Variants in CIP2A observed in about 807,000 individuals in gnomAD.
CIP2A encodes the protein cellular inhibitor of PP2A, also known as protein CIP2A.
CIP2A carries 103 observed loss-of-function variants against 110.9 expected under a neutral mutation model. The ratio of observed to expected loss-of-function variants is 0.93; its 90% confidence interval spans 0.79 to 1.09. The LOEUF (loss-of-function observed/expected upper bound fraction) is 1.09, where lower values mean the gene tolerates loss of function less well. Ranked by LOEUF, CIP2A falls within the 50% of genes least tolerant of loss-of-function variation. The pLI, the probability that CIP2A is intolerant of heterozygous loss-of-function variation, is 0.00. For missense variants in CIP2A, 1,088 were observed against 1,038.4 expected, an observed-to-expected ratio of 1.05 and a Z score of -0.66; for synonymous variants, 381 against 361.6, an observed-to-expected ratio of 1.05 and a Z score of -0.61.
chr3:108,568,191 A>T lies in CIP2A; in HGVS notation c.1237T>A (p.Cys413Ser). ...NLDEALTRKKCERIAKAIEVL... is the reference protein window; with the variant it reads ...NLDEALTRKKSERIAKAIEVL... ...TCAATGGCCTTGGCAATCCTTTCAC[A>T]TTTTTTTCTTGTTAAAGCCTCATCT... The change falls in exon 10 of 21, where the codon TGT (cysteine) becomes AGT (serine). Residue 413 changes from cysteine to serine, a missense_variant. Transcript: ENST00000295746. The T allele has an allele frequency of 6.2e-7, 1 of 1,612,106 alleles. No homozygotes were observed. Among genetic ancestry groups the T allele is most frequent in the Non-Finnish European group, 8.5e-7 (1 of 1,178,704 alleles).
Position 108,569,537 on chromosome 3 carries a change from T to A in CIP2A, c.965A>T (p.Glu322Val). 1.2e-6 allele frequency: 2 copies of A among 1,612,740 alleles called. No homozygotes were observed. Among genetic ancestry groups the A allele is most frequent in the Non-Finnish European group, 1.7e-6 (2 of 1,179,292 alleles). Residue 322 changes from glutamate (E) to valine (V), a missense_variant, in exon 9 of 21, where the codon GAA becomes GTA. Coordinates refer to ENST00000295746, the MANE Select transcript of CIP2A (RefSeq NM_020890.3). ...LRHMLTQMMF[E>V]QSPPGSATLG... ...AGTGGCGCTGCCAGGTGGAGACTGTTCAAACATCATCTGAGTGAGCATATG... is the reference window on the plus strand; with the variant it reads ...AGTGGCGCTGCCAGGTGGAGACTGTACAAACATCATCTGAGTGAGCATATG...
intron 16 of CIP2A, 40 bp from the exon 17 acceptor site, chr3:108,557,454 T>C: frequency 6.9e-6 from 10 of 1,450,734 alleles, no homozygotes; most frequent in Non-Finnish European, 9.4e-6. Context: ...CACTATCATC[T>C]ATATCATATG....
chr3:108,557,207 A>G lies in CIP2A; in HGVS notation c.2210+11T>C. On this transcript the variant is annotated intron_variant, in intron 17 of 20. Transcript: ENST00000295746. ...GTTCTAACCTTACACAGAAGATTTTACTTTATTTACCTCTGAAGAAGTTCC... is the reference window on the plus strand; with the variant it reads ...GTTCTAACCTTACACAGAAGATTTTGCTTTATTTACCTCTGAAGAAGTTCC... 2 of 1,528,074 alleles carry G rather than the reference A, an allele frequency of 1.3e-6. No homozygotes were observed. The highest frequency in any genetic ancestry group is 1.8e-6 in the Non-Finnish European group (2 of 1,121,246). 94.7% of individuals were successfully genotyped at this position (1,528,074 alleles called of 1,614,324 possible).
At chr3:108,585,248 A>C (rs200677436) in intron 1 of CIP2A, 36 bp from the exon 2 acceptor site, 35 of 1,545,084 alleles carry the variant, frequency 2.3e-5, no homozygotes, top group Non-Finnish European at 2.9e-5. Context: ...TGGTTAAGCG[A>C]TGGCAATTTT....
At chr3:108,552,850 C>A (rs1937626892) in intron 19 of CIP2A, among the ~76,000 whole-genome samples, 1 of 152,102 alleles carries the variant, frequency 6.6e-6, no homozygotes, top group Non-Finnish European at 1.5e-5. Flanking sequence ...CAAGTTTTCA[C>A]TTCTAAGTGG....
At chr3:108,576,521 A>T (rs891361076) in intron 7 of CIP2A, among the ~76,000 whole-genome samples, 175 bp from the exon 8 acceptor site, 1 of 152,226 alleles carries the variant, frequency 6.6e-6, no homozygotes, top group African/African-American at 2.4e-5. Flanking sequence ...ATGTCTTACA[A>T]TTATGATATA....
intron 13 of CIP2A, 66 bp from the exon 14 acceptor site, chr3:108,560,907 C>T (rs1937986874): frequency 8.9e-7 from 1 of 1,119,666 alleles, no homozygotes; most frequent in Non-Finnish European, 1.2e-6. Context: ...AGACTTAGTG[C>T]AGAATTAGGG....
intron 2 of CIP2A, among the ~76,000 whole-genome samples, chr3:108,584,334 A>T (rs1387642896): frequency 7.2e-5 from 11 of 152,192 alleles, no homozygotes; most frequent in Non-Finnish European, 2.9e-5. Context: ...TAAAGATCCA[A>T]AAGTATTGTT....
intron 15 of CIP2A, 41 bp downstream of exon 15, chr3:108,559,913 T>C (rs773857938): frequency 6.3e-7 from 1 of 1,576,118 alleles, no homozygotes; most frequent in Non-Finnish European, 8.7e-7. Flanking sequence ...AATACATCTA[T>C]TAAAGCTTAT....
At chr3:108,553,581 A>C in intron 19 of CIP2A, 67 bp downstream of exon 19, 1 of 1,377,912 alleles carries the variant, frequency 7.3e-7, no homozygotes. Context: ...AAAGCAAACA[A>C]AACCACTCAT....
chr3:108,553,896 T>TAAAAAAAAAA (rs71103478), intron 18 of CIP2A, among the ~76,000 whole-genome samples, 166 bp from the exon 19 acceptor site: 11 of 84,152 alleles, frequency 1.3e-4, no homozygotes, highest in Non-Finnish European at 2.1e-4. Flanking sequence ...ACTAAAAATA[T>TAAAAAAAAAA]AAAAAAAAAA....
intron 5 of CIP2A, among the ~76,000 whole-genome samples, 182 bp downstream of exon 5, chr3:108,581,233 C>T (rs1188102156): frequency 1.5e-4 from 23 of 152,230 alleles, no homozygotes; most frequent in African/African-American, 5.5e-4. Flanking sequence ...ATACAACATA[C>T]ACGAAGGCTG....
rs1553694636 is a variant in CIP2A at position 108,569,181 on chromosome 3, T to TACACACACACAC, written c.1113+207_1113+208insGTGTGTGTGTGT. Reference sequence around the variant, plus strand: ...CTGAAATGAGCACTATATATATATATACATACACACTACTCAGTGAAAAAA... The same window carrying TACACACACACAC: ...CTGAAATGAGCACTATATATATATATACACACACACACACATACACACTACTCAGTGAAAAAA... On this transcript the variant is annotated intron_variant, in intron 9 of 20. Coordinates refer to ENST00000295746, the MANE Select transcript of CIP2A (RefSeq NM_020890.3). Among the ~76,000 whole-genome samples the TACACACACACAC allele has an allele frequency of 1.0e-4, 6 of 58,274 alleles. 1 individual carries two copies. The highest frequency in any genetic ancestry group is 2.3e-4 in the Non-Finnish European group (6 of 25,564). The allele number at this position is 58,274 out of a possible 152,430, so 38.2% of individuals were successfully genotyped here. A position where few individuals can be genotyped will look rare whatever the true frequency, so the allele number is the denominator to read the frequency against.
In CIP2A at chr3:108,554,365, A is replaced by C; in HGVS notation, c.2324+11T>G. 3.0e-5 allele frequency: 34 copies of C among 1,146,122 alleles called. No homozygotes were observed. Among genetic ancestry groups the C allele is most frequent in the Middle Eastern group, 2.6e-4 (1 of 3,794 alleles). The allele number at this position is 1,146,122 out of a possible 1,614,324, so 71.0% of individuals were successfully genotyped here. On this transcript the variant is annotated intron_variant, in intron 18 of 20. Transcript: ENST00000295746. ...TCCCACATATTCAGAATATAGAACT[A>C]GAGATTTTACTTTTCATTTTGTTCC...
At position 108,565,245 on chromosome 3, in the gene CIP2A, G is replaced by A. The variant is rs572558760; in HGVS notation, c.1515+110C>T. ...AACAACTTTAAACTTTCTTCTCATT[G>A]CCAATTCTAAGAGAATTATCTTCTA... is the stretch of plus-strand genomic sequence containing the variant. On this transcript the variant is annotated intron_variant, in intron 12 of 20. Transcript: ENST00000295746. The A allele has an allele frequency of 7.1e-4, 421 of 593,114 alleles. 1 individual carries two copies. Among genetic ancestry groups the A allele is most frequent in the African/African-American group, 2.4e-3 (120 of 50,954 alleles). The allele number at this position is 593,114 out of a possible 1,614,324, so 36.7% of individuals were successfully genotyped here. A position where few individuals can be genotyped will look rare whatever the true frequency, so the allele number is the denominator to read the frequency against.
At chr3:108,585,649 T>A in intron 1 of CIP2A, 1 of 454,884 alleles carries the variant, frequency 2.2e-6, no homozygotes, top group Non-Finnish European at 4.4e-6. Context: ...AAATAAATTC[T>A]AATACATTCT....
intron 18 of CIP2A, 37 bp downstream of exon 18, chr3:108,554,339 A>G: frequency 2.4e-6 from 2 of 834,434 alleles, no homozygotes; most frequent in Non-Finnish European, 3.9e-6. Context: ...TTTTTGAAAA[A>G]TCCCACATAT....
intron 9 of CIP2A, among the ~76,000 whole-genome samples, chr3:108,569,033 T>C (rs1236999643): frequency 6.6e-6 from 1 of 151,010 alleles, no homozygotes; most frequent in Non-Finnish European, 1.5e-5. Flanking sequence ...ATGCCTCTAT[T>C]GTCCATTCAA....
chr3:108,566,442 C>A, intron 11 of CIP2A, 55 bp downstream of exon 11: 3 of 1,429,282 alleles, frequency 2.1e-6, no homozygotes, highest in Non-Finnish European at 2.9e-6. Flanking sequence ...AGAATCACCA[C>A]ATCTTTCGAT....
Sources: gnomAD v4.1 joint callset for allele counts (sites outside exome capture counted in the v4.1 genomes callset) on GRCh38, gnomAD v4.1.1 for gene constraint, MANE v1.5 for transcripts, NCBI Gene and HGNC (gene_info 2026-07-23, HGNC 2026-07-21) for gene names.